DIP2A: variants seen among roughly 807,000 people sequenced by gnomAD.
DIP2A encodes the protein DIP2 acetate--CoA ligase A, also known as disco-interacting protein 2 homolog A.
A neutral mutation model predicts 177.4 loss-of-function variants in DIP2A; 85 were observed. The observed-to-expected ratio is 0.48, with a 90% confidence interval of 0.40 to 0.57. The LOEUF (loss-of-function observed/expected upper bound fraction) is 0.57, where lower values mean the gene tolerates loss of function less well. Among genes scored for constraint, DIP2A ranks in the 20% least tolerant of loss-of-function variants. The probability of loss-of-function intolerance (pLI) is 0.00; values close to 1 mark genes in which losing one functional copy is unlikely to be tolerated. For missense variants in DIP2A, 1,791 were observed against 2,100.2 expected (o/e 0.85, Z 2.88); for synonymous variants, 886 against 881.8 (o/e 1.00, Z -0.08).
chr21:46,479,082 C>T (rs889710487), intron 1 of DIP2A, among the ~76,000 whole-genome samples: 1 of 152,196 alleles, frequency 6.6e-6, no homozygotes, highest in African/African-American at 2.4e-5. Context: ...TTAGTTCATA[C>T]CCAAGGTGTG....
rs760691815 is a variant in DIP2A at position 46,498,786 on chromosome 21, C to T, written c.608C>T (p.Ala203Val). ...CCCAGTGCTGCAGCCACGCCGGGGG[C>T]CGCCGCTACCACTGCACTCGCAGGC... Reference protein sequence around the residue: ...TAPSAAATPGAAATTALAGLE... With the variant: ...TAPSAAATPGVAATTALAGLE... Residue 203 changes from alanine (A) to valine (V), a missense_variant, in exon 5 of 38, where the codon GCC becomes GTC. Coordinates refer to ENST00000417564, the MANE Select transcript of DIP2A (RefSeq NM_015151.4). This position sits in a 1 kb window ranked among gnomAD's most constrained non-coding sequence, Gnocchi z 4.3. The T allele has an allele frequency of 1.9e-6, 3 of 1,613,614 alleles. No individual in the cohort carries two copies. The highest frequency in any genetic ancestry group is 2.7e-5 in the African/African-American group (2 of 74,906).
intron 8 of DIP2A, among the ~76,000 whole-genome samples, chr21:46,518,375 C>G (rs936660717): frequency 6.6e-6 from 1 of 152,208 alleles, no homozygotes; most frequent in Non-Finnish European, 1.5e-5. Flanking sequence ...TGGGCCCTAC[C>G]TGCTCCCCAT....
chr21:46,523,205 G>A (rs1463438416), intron 8 of DIP2A, among the ~76,000 whole-genome samples: 1 of 151,330 alleles, frequency 6.6e-6, no homozygotes, highest in African/African-American at 2.4e-5. Flanking sequence ...GATTATAGAT[G>A]TGAGCCACCA....
rs574111369 is a variant in DIP2A, at chr21:46,466,298, A to G, written c.91+7076A>G. On this transcript the variant is annotated intron_variant, in intron 1 of 37. Transcript: ENST00000417564. ...TAGACCAATGGATTTTAATGTAGTG[A>G]TATGAAAAGTTCACTGATAAGAGTT... Among the ~76,000 whole-genome samples the G allele has an allele frequency of 6.0e-5, 9 of 149,960 alleles. No homozygotes were observed. The East Asian group carries it at 1.4e-3, about 23-fold the overall frequency.
At position 46,554,842 on chromosome 21, in the gene DIP2A, C is replaced by T; in HGVS notation, c.3297C>T (p.Val1099=). Residue 1099 remains valine, a synonymous_variant, in exon 28 of 38, where the codon GTC becomes GTT. Transcript: ENST00000417564. ...MIVEVSKSAC[V]LTTQAVTRLL... ...TGCAGGTCAGCAAGTCTGCATGCGT[C>T]CTCACCACGCAGGCTGTCACACGGC... 1 of 1,525,754 alleles carries T rather than the reference C, an allele frequency of 6.6e-7. No homozygotes were observed. The highest frequency in any genetic ancestry group is 8.8e-7 in the Non-Finnish European group (1 of 1,134,468). 94.5% of individuals were successfully genotyped at this position (1,525,754 alleles called of 1,614,324 possible).
At chr21:46,465,256 T>TA (rs2054707729) in intron 1 of DIP2A, among the ~76,000 whole-genome samples, 1 of 152,122 alleles carries the variant, frequency 6.6e-6, no homozygotes, top group African/African-American at 2.4e-5. Context: ...GCATCCTAGG[T>TA]AATATTTCAG....
chr21:46,550,620 C>T lies in DIP2A; in HGVS notation c.2715C>T (p.Leu905=), dbSNP rs369236341. Residue 905 remains leucine, a synonymous_variant, in exon 23 of 38, where the codon CTC becomes CTT. Transcript: ENST00000417564. Reference sequence around the variant, plus strand: ...CCAACACCTTGCCCAAGGCTCCTCTCGGAGGGATTCACATTTCTGAAACCA... The same window carrying T: ...CCAACACCTTGCCCAAGGCTCCTCTTGGAGGGATTCACATTTCTGAAACCA... ...VPANTLPKAP[L]GGIHISETKQ... is the part of the protein sequence containing the mutation. 53 of 1,613,758 alleles carry T rather than the reference C, an allele frequency of 3.3e-5. 1 individual carries two copies. Among genetic ancestry groups the T allele is most frequent in the South Asian group, 1.5e-4 (14 of 91,036 alleles).
chr21:46,467,899 T>G (rs4819256), intron 1 of DIP2A, among the ~76,000 whole-genome samples: 70,962 of 151,254 alleles, frequency 0.47, 16,830 homozygotes, highest in Non-Finnish European at 0.51. Flanking sequence ...GCTGAGGAGG[T>G]TGGATCGTTT....
rs1488892329 is a variant in DIP2A, at chr21:46,541,775, C to A, written c.2056C>A (p.Pro686Thr). 3.1e-6 allele frequency: 5 copies of A among 1,613,830 alleles called. No individual in the cohort carries two copies. The highest frequency in any genetic ancestry group is 4.2e-6 in the Non-Finnish European group (5 of 1,179,876). Residue 686 changes from proline to threonine, a missense_variant, in exon 18 of 38, where the codon CCA becomes ACA. By Grantham distance (38) the Pro-to-Thr change is conservative (BLOSUM62 -1). Transcript: ENST00000417564. ...TTCTAGGCCACCTGATCTGGGAGGA[C>A]CACCTCCAAGAAAAGCAGTCCTGTC... ...AIRRPPDLGG[P>T]PPRKAVLSMN...
In DIP2A at chr21:46,504,396, C is replaced by G; in HGVS notation, c.691C>G (p.Leu231Val). 6.2e-7 allele frequency: 1 copy of G among 1,613,920 alleles called. No individual in the cohort carries two copies. The highest frequency in any genetic ancestry group is 1.1e-5 in the South Asian group (1 of 91,048). The change falls in exon 6 of 38, where the codon CTC (leucine) becomes GTC (valine). Residue 231 changes from leucine (L) to valine (V), a missense_variant. Transcript: ENST00000417564. ...HSAPPDVTTG[L>V]VEHSYFERPQ... ...TGCCCCTCCTGATGTCACCACGGGCCTCGTGGAGCATTCGTACTTTGAGCG... is the reference window on the plus strand; with the variant it reads ...TGCCCCTCCTGATGTCACCACGGGCGTCGTGGAGCATTCGTACTTTGAGCG...
intron 5 of DIP2A, among the ~76,000 whole-genome samples, chr21:46,499,519 C>T (rs910103279): frequency 6.6e-6 from 1 of 152,178 alleles, no homozygotes; most frequent in East Asian, 1.9e-4. Flanking sequence ...AGGGCTTTCG[C>T]TCCTCCAGAT....
At chr21:46,546,715 T>TC (rs1729335596) in intron 20 of DIP2A, among the ~76,000 whole-genome samples, 200 bp from the exon 21 acceptor site, 2 of 152,154 alleles carry the variant, frequency 1.3e-5, no homozygotes, top group East Asian at 3.9e-4. Context: ...CCCCATTCCT[T>TC]CCACACAGCC....
chr21:46,512,584 C>T (rs1569008582), intron 8 of DIP2A, among the ~76,000 whole-genome samples: 1 of 152,116 alleles, frequency 6.6e-6, no homozygotes, highest in East Asian at 1.9e-4. Context: ...CATTTATGTA[C>T]TATTCAAATA....
chr21:46,509,352 G>C lies in DIP2A; in HGVS notation c.880G>C (p.Asp294His). ...CCCTCCACTGAAGGAGTTCTTTGTG[G>C]ATGATTTTGAGGAATTGTTGGAAGG... is the stretch of plus-strand genomic sequence containing the variant. ...KRPPLKEFFV[D>H]DFEELLEVQQ... Residue 294 changes from aspartate (D) to histidine (H), a missense_variant, in exon 7 of 38, where the codon GAT becomes CAT. By Grantham distance (81) the Asp-to-His change is moderately conservative. Coordinates refer to ENST00000417564, the MANE Select transcript of DIP2A (RefSeq NM_015151.4). The C allele has an allele frequency of 6.2e-7, 1 of 1,612,496 alleles. No homozygotes were observed. Among genetic ancestry groups the C allele is most frequent in the Non-Finnish European group, 8.5e-7 (1 of 1,179,374 alleles).
In DIP2A at chr21:46,485,865, G is replaced by A. The variant is rs760604286; in HGVS notation, c.163+1037G>A. Among the ~76,000 whole-genome samples the A allele has an allele frequency of 3.9e-4, 59 of 151,964 alleles. 1 individual carries two copies. Among genetic ancestry groups the A allele is most frequent in the Non-Finnish European group, 6.9e-4 (47 of 67,964 alleles). On this transcript the variant is annotated intron_variant, in intron 2 of 37. Coordinates refer to ENST00000417564, the MANE Select transcript of DIP2A (RefSeq NM_015151.4). ...AGGTGGGGGGATCATGAGGTCAGGA[G>A]TTCAAGACCAGCCTGGCCAACATAG...
chr21:46,504,204 C>A, intron 5 of DIP2A, 157 bp from the exon 6 acceptor site: 2 of 981,204 alleles, frequency 2.0e-6, no homozygotes, highest in Non-Finnish European at 3.1e-6. Flanking sequence ...TCCCAGTATG[C>A]CTTTGGTCAG....
intron 1 of DIP2A, among the ~76,000 whole-genome samples, chr21:46,481,374 G>T (rs773056532): frequency 4.6e-5 from 7 of 152,144 alleles, no homozygotes; most frequent in Non-Finnish European, 8.8e-5. Flanking sequence ...TGACATCTGG[G>T]TTGTTTCTAG....
intron 9 of DIP2A, among the ~76,000 whole-genome samples, chr21:46,531,765 ATAGG>A (rs2059367139): frequency 6.6e-6 from 1 of 152,262 alleles, no homozygotes; most frequent in South Asian, 2.1e-4. Context: ...TCTGAAGGTT[ATAGG>A]TTACATTCTG....
chr21:46,488,106 C>T (rs1038074933), intron 2 of DIP2A, among the ~76,000 whole-genome samples: 8 of 152,008 alleles, frequency 5.3e-5, no homozygotes, highest in Non-Finnish European at 7.4e-5. Context: ...ACAGAGTACA[C>T]GACCCAGTCA....
Sources: gnomAD v4.1 joint callset for allele counts (sites outside exome capture counted in the v4.1 genomes callset) on GRCh38, gnomAD v4.1.1 for gene constraint, Gnocchi (gnomAD v3.1) non-coding constraint, MANE v1.5 for transcripts, NCBI Gene and HGNC (gene_info 2026-07-23, HGNC 2026-07-21) for gene names.